The following RSRP1 variants were observed in gnomAD, a reference collection of about 807,000 sequenced individuals.
RSRP1 encodes the protein arginine/serine-rich protein 1.
A neutral mutation model predicts 33.0 loss-of-function variants in RSRP1; 37 were observed. The ratio of observed to expected loss-of-function variants is 1.12; its 90% CI spans 0.86 to 1.48. The LOEUF (loss-of-function observed/expected upper bound fraction) is 1.48, where lower values mean the gene tolerates loss of function less well. Among genes scored for constraint, RSRP1 ranks in the 40% most tolerant of loss-of-function variants. RSRP1 has a pLI of 0.00. For synonymous variants in RSRP1, 167 were observed against 158.7 expected (o/e 1.05, Z -0.40); for missense variants, 402 against 385.3 (o/e 1.04, Z -0.36).
At chr1:25,297,139 A>G (rs1643024996) in intron 1 of RSRP1, among the ~76,000 whole-genome samples, 1 of 110,212 alleles carries the variant, frequency 9.1e-6, no homozygotes, top group African/African-American at 3.1e-5. Context: ...ATCAATCTGG[A>G]GCAGTTTCTT....
intron 1 of RSRP1, among the ~76,000 whole-genome samples, chr1:25,334,824 T>C (rs1645059427): frequency 7.6e-6 from 1 of 131,808 alleles, no homozygotes; most frequent in Middle Eastern, 3.8e-3. Flanking sequence ...TGGTTGGGAG[T>C]GGCTGGGATG....
chr1:25,287,402 C>T (rs1266060268), intron 1 of RSRP1, among the ~76,000 whole-genome samples: 1 of 135,366 alleles, frequency 7.4e-6, no homozygotes, highest in African/African-American at 2.5e-5. Context: ...GAGTGAACTC[C>T]CCTGCCCCAC....
chr1:25,276,486 A>C lies in RSRP1; in HGVS notation c.-66-29457T>G, dbSNP rs1379241960. ...GTGGGGAGGATCGCTTAAACCAAGG[A>C]GTTCAAGACGAGCCTAGGAAACATA... On this transcript the variant is annotated intron_variant, in intron 1 of 1. Transcript: ENST00000561867. 4.3e-5 allele frequency among the ~76,000 whole-genome samples: 5 copies of C among 116,872 alleles called. 1 individual carries two copies. The highest frequency in any genetic ancestry group is 9.9e-5 in the Non-Finnish European group (5 of 50,698). The allele number at this position is 116,872 out of a possible 152,430, so 76.7% of individuals were successfully genotyped here.
intron 1 of RSRP1, among the ~76,000 whole-genome samples, chr1:25,263,949 T>C (rs1481938353): frequency 6.6e-6 from 1 of 152,012 alleles, no homozygotes; most frequent in African/African-American, 2.4e-5. Context: ...CAAAATCCAG[T>C]GGGGCAGTCA....
intron 1 of RSRP1, among the ~76,000 whole-genome samples, chr1:25,261,754 C>T (rs1640163729): frequency 7.0e-6 from 1 of 143,712 alleles, no homozygotes; most frequent in Non-Finnish European, 1.5e-5. Context: ...CTGTGTTGCC[C>T]AGCCTGGAGT....
chr1:25,244,894 G>T, intron 3 of RSRP1: 1 of 1,287,162 alleles, frequency 7.8e-7, no homozygotes, highest in Non-Finnish European at 1.0e-6. Context: ...ACATTGCCCA[G>T]GCTAGTCTTG....
intron 1 of RSRP1, among the ~76,000 whole-genome samples, chr1:25,260,683 G>T (rs544249359): frequency 6.6e-6 from 1 of 152,320 alleles, no homozygotes; most frequent in South Asian, 2.1e-4. Context: ...GGAAGTTCAA[G>T]GTGCCGGCAA....
At chr1:25,293,186 G>C (rs562745446) in intron 1 of RSRP1, among the ~76,000 whole-genome samples, 1 of 130,786 alleles carries the variant, frequency 7.6e-6, no homozygotes, top group East Asian at 2.0e-4. Flanking sequence ...GCTATAAAGG[G>C]GAACAGAGAA....
At chr1:25,277,667 G>A (rs1641127982) in intron 1 of RSRP1, among the ~76,000 whole-genome samples, 1 of 128,456 alleles carries the variant, frequency 7.8e-6, no homozygotes, top group Admixed American at 7.6e-5. Context: ...AAGAGTATTA[G>A]CTTTTATTAT....
chr1:25,303,590 C>T lies in RSRP1; in HGVS notation c.-67+34388G>A. The T allele has an allele frequency of 2.1e-6, 2 of 972,396 alleles. 1 individual carries two copies. Among genetic ancestry groups the T allele is most frequent in the Non-Finnish European group, 3.2e-6 (2 of 633,944 alleles). The allele number at this position is 972,396 out of a possible 1,614,324, so 60.2% of individuals were successfully genotyped here. A position where few individuals can be genotyped will look rare whatever the true frequency, so the allele number is the denominator to read the frequency against. On this transcript the variant is annotated intron_variant, in intron 1 of 1. Coordinates refer to the RSRP1 transcript ENST00000561867. ...GCGCATTCTCTTATTGGCTTCAACG[C>T]CTAGTGAGGGATCCATCCTGGCTCG...
At chr1:25,290,229 C>G (rs370873484) in intron 1 of RSRP1, among the ~76,000 whole-genome samples, 8 of 128,138 alleles carry the variant, frequency 6.2e-5, no homozygotes, top group African/African-American at 2.2e-4. Context: ...GGCAGGCCTG[C>G]GGGGGAAGAG....
At position 25,303,405 on chromosome 1, in the gene RSRP1, G is replaced by T. The variant is rs371803235; in HGVS notation, c.-67+34573C>A. Reference sequence around the variant, plus strand: ...TGATCCCTTCTCCGTGGCTTGCCATGGTGCTGGGTCTTGTGGCTGGGCTGA... The same window carrying T: ...TGATCCCTTCTCCGTGGCTTGCCATTGTGCTGGGTCTTGTGGCTGGGCTGA... On this transcript the variant is annotated intron_variant, in intron 1 of 1. Transcript: ENST00000561867. 5.8e-5 allele frequency: 80 copies of T among 1,379,088 alleles called. 25 individuals are homozygous for T. Among genetic ancestry groups the T allele is most frequent in the Middle Eastern group, 1.8e-4 (1 of 5,506 alleles). 85.4% of individuals were successfully genotyped at this position (1,379,088 alleles called of 1,614,324 possible).
chr1:25,322,351 T>C lies in RSRP1; in HGVS notation c.-67+15627A>G, dbSNP rs1205538529. Among the ~76,000 whole-genome samples the C allele has an allele frequency of 2.3e-5, 3 of 132,670 alleles. 1 individual carries two copies. Among genetic ancestry groups the C allele is most frequent in the Admixed American group, 7.3e-5 (1 of 13,694 alleles). The allele number at this position is 132,670 out of a possible 152,430, so 87.0% of individuals were successfully genotyped here. ...GGAGTCCAACCCCTTTTTTGACAGA[T>C]GCTAAGAGTGGAGACATGACTTATC... is the stretch of plus-strand genomic sequence containing the variant. On this transcript the variant is annotated intron_variant, in intron 1 of 1. Transcript: ENST00000561867.
At chr1:25,259,699 C>T (rs1380723667) in intron 1 of RSRP1, among the ~76,000 whole-genome samples, 6 of 151,770 alleles carry the variant, frequency 4.0e-5, no homozygotes, top group African/African-American at 1.2e-4. Flanking sequence ...CAGGGTTTCA[C>T]CATGTTGGCT....
chr1:25,247,694 CTGAGA>C (rs1639600155), upstream of RSRP1: 2 of 152,322 alleles, frequency 1.3e-5, no homozygotes, highest in African/African-American at 2.4e-5. Flanking sequence ...CCCCCCTGAT[CTGAGA>C]TAATTGCGGG....
chr1:25,262,952 T>A (rs1640204040), intron 1 of RSRP1, among the ~76,000 whole-genome samples: 1 of 152,206 alleles, frequency 6.6e-6, no homozygotes, highest in Admixed American at 6.5e-5. Context: ...TCTCTAGGTA[T>A]TCTTTAATCC....
chr1:25,276,908 T>C (rs1641051266), intron 1 of RSRP1, among the ~76,000 whole-genome samples: 1 of 128,532 alleles, frequency 7.8e-6, no homozygotes, highest in Admixed American at 7.5e-5. Context: ...CTACCAAAAA[T>C]ACAAAAAAAT....
intron 1 of RSRP1, chr1:25,303,577 A>G: frequency 9.3e-7 from 1 of 1,074,694 alleles, no homozygotes; most frequent in South Asian, 1.3e-5. Flanking sequence ...GCATTCTCTT[A>G]TTGGCTTCAA....
At chr1:25,280,916 C>G (rs1266103450) in intron 1 of RSRP1, among the ~76,000 whole-genome samples, 16 of 132,398 alleles carry the variant, frequency 1.2e-4, no homozygotes, top group African/African-American at 4.1e-4. Context: ...GCCACCATAC[C>G]TGGTCTGACT....
Sources: gnomAD v4.1 joint callset for allele counts (sites outside exome capture counted in the v4.1 genomes callset) on GRCh38, gnomAD v4.1.1 for gene constraint, MANE v1.5 for transcripts, NCBI Gene and HGNC (gene_info 2026-07-23, HGNC 2026-07-21) for gene names.